KCNQ5: variants seen among roughly 807,000 people sequenced by gnomAD.
KCNQ5 encodes potassium voltage-gated channel subfamily KQT member 5.
In KCNQ5, 30 loss-of-function variants were observed where a neutral mutation model predicts 98.2. The observed-to-expected ratio is 0.31, with a 90% CI of 0.23 to 0.41. KCNQ5 has a LOEUF of 0.41. KCNQ5 is among the 10% of genes least tolerant of loss of function. The pLI is 1.00. For synonymous variants in KCNQ5, 458 were observed against 449.4 expected, an observed-to-expected ratio of 1.02 and a Z score of -0.24; for missense variants, 835 against 1,182.5, an observed-to-expected ratio of 0.71 and a Z score of 4.31.
intron 1 of KCNQ5, among the ~76,000 whole-genome samples, chr6:72,803,247 AC>A (rs1774760888): frequency 2.0e-5 from 3 of 152,158 alleles, no homozygotes; most frequent in Non-Finnish European, 4.4e-5. Context: ...GTTCATTCTC[AC>A]CATTTTAATT....
intron 1 of KCNQ5, among the ~76,000 whole-genome samples, chr6:72,944,929 A>G (rs1766466770): frequency 6.6e-6 from 1 of 152,210 alleles, no homozygotes; most frequent in African/African-American, 2.4e-5. Context: ...CAAGTTCCAA[A>G]ATAGATGCTG....
chr6:72,681,945 G>A (rs1037776956), intron 1 of KCNQ5, among the ~76,000 whole-genome samples: 35 of 152,286 alleles, frequency 2.3e-4, no homozygotes, highest in South Asian at 4.1e-4. Context: ...TCCCTGAGGG[G>A]GAACTGGAAA....
chr6:73,001,997 G>A (rs777530613), intron 1 of KCNQ5, among the ~76,000 whole-genome samples: 6 of 15,348 alleles, frequency 3.9e-4, no homozygotes, highest in South Asian at 4.2e-3. Context: ...GCTGGCCTGC[G>A]CCTATAGTCC....
At chr6:72,926,702 T>C (rs1765436364) in intron 1 of KCNQ5, among the ~76,000 whole-genome samples, 1 of 152,196 alleles carries the variant, frequency 6.6e-6, no homozygotes, top group East Asian at 1.9e-4. Context: ...TTCAATTAGT[T>C]CTTCTCAAAA....
chr6:73,182,078 C>T (rs1222338366), intron 11 of KCNQ5, among the ~76,000 whole-genome samples: 1 of 152,152 alleles, frequency 6.6e-6, no homozygotes, highest in Non-Finnish European at 1.5e-5. Context: ...CTTCCCCAGG[C>T]CAGTTCATGG....
At chr6:72,725,525 A>G (rs2154475530) in intron 1 of KCNQ5, among the ~76,000 whole-genome samples, 1 of 152,212 alleles carries the variant, frequency 6.6e-6, no homozygotes, top group East Asian at 1.9e-4. Flanking sequence ...AGGGAGGGAG[A>G]TGGAAAGGGA....
rs1007534323 is a variant in KCNQ5 at position 73,157,954 on chromosome 6, G to C, written c.1469-11792G>C. 8 of 767,478 alleles carry C rather than the reference G, an allele frequency of 1.0e-5. No homozygotes were observed. In the African/African-American group the frequency reaches 1.4e-4, roughly 13 times the overall value. The allele number at this position is 767,478 out of a possible 1,614,324, so 47.5% of individuals were successfully genotyped here. ...CACAAAACAGGCTGTCTCGCGGTGA[G>C]CTTGAGTAGGGACTCTTCATACCCC... is the stretch of plus-strand genomic sequence containing the variant. On this transcript the variant is annotated intron_variant, in intron 10 of 13. Coordinates refer to ENST00000370398, the MANE Select transcript of KCNQ5 (RefSeq NM_019842.4).
chr6:72,814,892 T>C (rs1775424393), intron 1 of KCNQ5, among the ~76,000 whole-genome samples: 2 of 152,294 alleles, frequency 1.3e-5, no homozygotes, highest in African/African-American at 4.8e-5. Context: ...AGATAATGCT[T>C]ATTTGGAGTT....
chr6:72,850,766 G>A (rs1366937466), intron 1 of KCNQ5, among the ~76,000 whole-genome samples: 2 of 151,860 alleles, frequency 1.3e-5, no homozygotes, highest in African/African-American at 4.9e-5. Flanking sequence ...TAGCTGGTGT[G>A]TGCTTTATTA....
intron 1 of KCNQ5, among the ~76,000 whole-genome samples, chr6:72,842,524 G>A (rs1035872489): frequency 1.3e-5 from 2 of 152,110 alleles, no homozygotes; most frequent in Middle Eastern, 3.2e-3. Flanking sequence ...GGTGGAAGTG[G>A]CATAACTGGG....
At chr6:73,095,729 C>T (rs545645167) in intron 5 of KCNQ5, among the ~76,000 whole-genome samples, 35 of 152,204 alleles carry the variant, frequency 2.3e-4, no homozygotes, top group South Asian at 1.5e-3. Context: ...TTCCAGACTC[C>T]GGGCTGGCAC....
chr6:73,100,560 T>C (rs892356788), intron 5 of KCNQ5, among the ~76,000 whole-genome samples: 3 of 151,102 alleles, frequency 2.0e-5, no homozygotes, highest in Non-Finnish European at 4.4e-5. Context: ...TCCCAGCTAC[T>C]CGGGAAGCTG....
chr6:72,939,637 G>A (rs1281233791), intron 1 of KCNQ5, among the ~76,000 whole-genome samples: 1 of 152,118 alleles, frequency 6.6e-6, no homozygotes, highest in Non-Finnish European at 1.5e-5. Flanking sequence ...CCTCATGTAT[G>A]CTTCCGCACT....
intron 5 of KCNQ5, among the ~76,000 whole-genome samples, chr6:73,080,091 G>A (rs1773705480): frequency 6.6e-6 from 1 of 152,138 alleles, no homozygotes; most frequent in African/African-American, 2.4e-5. Context: ...GCTGTATTGT[G>A]TGTTAAACAG....
intron 7 of KCNQ5, among the ~76,000 whole-genome samples, chr6:73,112,576 A>T (rs1448191747): frequency 1.3e-5 from 2 of 151,866 alleles, no homozygotes; most frequent in Admixed American, 6.6e-5. Context: ...CCATCTCTCA[A>T]CCTCGTGATC....
intron 1 of KCNQ5, among the ~76,000 whole-genome samples, chr6:72,982,268 A>G (rs912572269): frequency 1.3e-5 from 2 of 152,142 alleles, no homozygotes; most frequent in Non-Finnish European, 1.5e-5. Context: ...AAAGTCTCCC[A>G]TTATTATTGT....
chr6:72,751,786 C>T (rs6453602), intron 1 of KCNQ5, among the ~76,000 whole-genome samples: 22,034 of 151,988 alleles, frequency 0.14, 5,181 homozygotes, highest in African/African-American at 0.49. Context: ...TACTGTAAGG[C>T]GCATTACCTA....
Position 72,622,552 on chromosome 6 carries a change from A to AC in KCNQ5, c.367dup (p.Arg123ProfsTer29). 1 of 1,611,720 alleles carries AC rather than the reference A, an allele frequency of 6.2e-7. No homozygotes were observed. Among genetic ancestry groups the AC allele is most frequent in the Non-Finnish European group, 8.5e-7 (1 of 1,179,310 alleles). On this transcript the variant is annotated frameshift_variant, in exon 1 of 14. Coordinates refer to ENST00000370398, the MANE Select transcript of KCNQ5 (RefSeq NM_019842.4). LOFTEE classifies it high-confidence loss of function. The surrounding 1 kb of genome is among the most constrained non-coding windows in gnomAD (Gnocchi z 6.0). ...ACTACCTGTACAACGTGCTGGAGAG[A>AC]CCCCGCGGCTGGGCGTTCATCTACC...
chr6:72,831,123 G>A (rs142445464), intron 1 of KCNQ5, among the ~76,000 whole-genome samples: 127 of 152,096 alleles, frequency 8.3e-4, no homozygotes, highest in East Asian at 3.3e-3. Context: ...ATTTTTACAC[G>A]GTTGGTGAGA....
Sources: allele counts gnomAD v4.1 joint callset (sites outside exome capture counted in the v4.1 genomes callset), GRCh38; gene constraint gnomAD v4.1.1; non-coding constraint Gnocchi (gnomAD v3.1); transcripts MANE v1.5; gene names NCBI Gene and HGNC (gene_info 2026-07-23, HGNC 2026-07-21).